The following RNF175 variants were observed in gnomAD, a reference collection of about 807,000 sequenced individuals.
RNF175 encodes ring finger protein 175.
A neutral mutation model predicts 50.0 loss-of-function variants in RNF175; 38 were observed. The observed-to-expected ratio is 0.76, with a 90% confidence interval of 0.59 to 1.00. The LOEUF (loss-of-function observed/expected upper bound fraction) is 1.00, where lower values mean the gene tolerates loss of function less well. Ranked by LOEUF, RNF175 falls within the 50% of genes least tolerant of loss-of-function variation. The pLI is 0.00. For synonymous variants in RNF175, 155 were observed against 146.1 expected (o/e 1.06, Z -0.44); for missense variants, 388 against 409.6 (o/e 0.95, Z 0.46).
intron 3 of RNF175, chr4:153,745,571 A>C (rs1739925407): frequency 6.6e-6 from 1 of 152,264 alleles, no homozygotes; most frequent in Non-Finnish European, 1.5e-5. Context: ...TTTACTACTA[A>C]TGAAACAACA....
At position 153,710,308 on chromosome 4, in the gene RNF175, A is replaced by G. The variant is rs768327427; in HGVS notation, c.*61T>C. ...ATCATCTCTAAAATTAAAAAAATTAATATTAAATGTTGGACCAAGGATTTC... is the reference window on the plus strand; with the variant it reads ...ATCATCTCTAAAATTAAAAAAATTAGTATTAAATGTTGGACCAAGGATTTC... On this transcript the variant is annotated 3_prime_UTR_variant, in exon 9 of 9. Transcript: ENST00000347063. 16 of 1,334,678 alleles carry G rather than the reference A, an allele frequency of 1.2e-5. No individual in the cohort carries two copies. The highest frequency in any genetic ancestry group is 1.5e-5 in the African/African-American group (1 of 67,518). 82.7% of individuals were successfully genotyped at this position (1,334,678 alleles called of 1,614,324 possible). A position where few individuals can be genotyped will look rare whatever the true frequency, so the allele number is the denominator to read the frequency against.
intron 7 of RNF175, chr4:153,713,275 G>A (rs544790457): frequency 6.6e-6 from 1 of 152,322 alleles, no homozygotes; most frequent in South Asian, 2.1e-4. Context: ...TTACTCTAGT[G>A]TAGCAGGACT....
intron 1 of RNF175, among the ~76,000 whole-genome samples, chr4:153,752,688 A>C (rs1323291264): frequency 6.6e-6 from 1 of 152,252 alleles, no homozygotes; most frequent in East Asian, 1.9e-4. Flanking sequence ...ACAGATTTTG[A>C]GGACATTTAA....
rs139880915 is a variant in RNF175, at chr4:153,712,683, G to C, written c.765-107C>G. ...GGGTCTAGTGGTGGAGTCATGACTTGATGAGGCACATCGCTTTTTTCGGGA... is the reference window on the plus strand; with the variant it reads ...GGGTCTAGTGGTGGAGTCATGACTTCATGAGGCACATCGCTTTTTTCGGGA... On this transcript the variant is annotated intron_variant, in intron 7 of 8. Coordinates refer to ENST00000347063, the MANE Select transcript of RNF175 (RefSeq NM_173662.4). The C allele has an allele frequency of 5.4e-5, 40 of 737,864 alleles. No homozygotes were observed. In the African/African-American group the frequency reaches 6.1e-4, roughly 11 times the overall value. The allele number at this position is 737,864 out of a possible 1,614,324, so 45.7% of individuals were successfully genotyped here. A position where few individuals can be genotyped will look rare whatever the true frequency, so the allele number is the denominator to read the frequency against.
chr4:153,747,126 C>A (rs55792703), intron 3 of RNF175, among the ~76,000 whole-genome samples: 26,849 of 152,110 alleles, frequency 0.18, 3,090 homozygotes, highest in Non-Finnish European at 0.25. Context: ...AAGGTCACTG[C>A]AATGCCTTCA....
intron 4 of RNF175, among the ~76,000 whole-genome samples, chr4:153,724,963 C>T (rs1336976847): frequency 2.6e-5 from 2 of 77,852 alleles, no homozygotes; most frequent in Admixed American, 1.4e-4. Flanking sequence ...GGGTGAGCTA[C>T]GTGGGGGAGC....
intron 3 of RNF175, among the ~76,000 whole-genome samples, chr4:153,747,499 C>T (rs1579094745): frequency 6.6e-6 from 1 of 152,306 alleles, no homozygotes; most frequent in East Asian, 1.9e-4. Context: ...ATGAGGATGG[C>T]CGTTACTCCA....
At chr4:153,742,064 C>A (rs1465332969) in intron 3 of RNF175, among the ~76,000 whole-genome samples, 1 of 152,034 alleles carries the variant, frequency 6.6e-6, no homozygotes. Flanking sequence ...CACCTGAGGT[C>A]AGGAGTTTGA....
At position 153,728,901 on chromosome 4, in the gene RNF175, T is replaced by G. The variant is rs575333508; in HGVS notation, c.247-540A>C. ...AGAAGCCCCTGGGATGTCTTCTGCC[T>G]GCAGTCCCAGGGCACTCTGCAAGGT... is the stretch of plus-strand genomic sequence containing the variant. On this transcript the variant is annotated intron_variant, in intron 3 of 8. Transcript: ENST00000347063. 2.6e-3 allele frequency among the ~76,000 whole-genome samples: 392 copies of G among 152,324 alleles called. 4 individuals are homozygous for G. The highest frequency in any genetic ancestry group is 9.1e-3 in the African/African-American group (377 of 41,582).
chr4:153,754,201 A>C (rs1740451181), intron 1 of RNF175, among the ~76,000 whole-genome samples: 1 of 151,458 alleles, frequency 6.6e-6, no homozygotes, highest in South Asian at 2.1e-4. Context: ...AAAGTCTGGT[A>C]ACTGATTGAG....
At position 153,729,887 on chromosome 4, in the gene RNF175, G is replaced by GA. The variant is rs1283326929; in HGVS notation, c.247-1527dup. On this transcript the variant is annotated intron_variant, in intron 3 of 8. Coordinates refer to ENST00000347063, the MANE Select transcript of RNF175 (RefSeq NM_173662.4). ...TTTAACTTCAAGGAATACTTTCAGG[G>GA]AAAAAAATCCACTAATCTTGCCTCC... 16 of 580,596 alleles carry GA rather than the reference G, an allele frequency of 2.8e-5. No individual in the cohort carries two copies. In the South Asian group the frequency reaches 1.1e-3, roughly 40 times the overall value. The allele number at this position is 580,596 out of a possible 1,614,324, so 36.0% of individuals were successfully genotyped here.
At position 153,739,247 on chromosome 4, in the gene RNF175, C is replaced by T. The variant is rs1739516076; in HGVS notation, c.246+9398G>A. ...ACCAGCCTGACCAACATGGTGAAAC[C>T]TCGTCTCTACTAAAAATACAAAAAT... On this transcript the variant is annotated intron_variant, in intron 3 of 8. Coordinates refer to ENST00000347063, the MANE Select transcript of RNF175 (RefSeq NM_173662.4). Among the ~76,000 whole-genome samples the T allele has an allele frequency of 2.0e-5, 3 of 152,082 alleles. No individual in the cohort carries two copies. In the South Asian group the frequency reaches 6.2e-4, roughly 31 times the overall value.
intron 6 of RNF175, among the ~76,000 whole-genome samples, chr4:153,716,619 A>G (rs1737948363): frequency 6.6e-6 from 1 of 152,184 alleles, no homozygotes; most frequent in Non-Finnish European, 1.5e-5. Flanking sequence ...ATACAAAAAT[A>G]TTACAGAGAT....
chr4:153,712,938 A>G (rs1308379907), intron 7 of RNF175: 1 of 175,860 alleles, frequency 5.7e-6, no homozygotes, highest in Non-Finnish European at 1.2e-5. Context: ...TTTCTCAGGC[A>G]TTTACCGTAG....
chr4:153,752,904 T>C (rs1579105437), intron 1 of RNF175, among the ~76,000 whole-genome samples: 1 of 151,932 alleles, frequency 6.6e-6, no homozygotes, highest in East Asian at 1.9e-4. Context: ...TATGGAAAGG[T>C]GTTCAAACTC....
chr4:153,729,842 T>C, intron 3 of RNF175: 1 of 982,872 alleles, frequency 1.0e-6, no homozygotes. Context: ...GAACAAATCC[T>C]ATAACTTCAA....
At chr4:153,712,749 C>T (rs1053325124) in intron 7 of RNF175, among the ~76,000 whole-genome samples, 173 bp from the exon 8 acceptor site, 28 of 152,160 alleles carry the variant, frequency 1.8e-4, no homozygotes, top group African/African-American at 6.0e-4. Flanking sequence ...AGCCTGGAGT[C>T]ACAGCTGCCT....
At position 153,748,805 on chromosome 4, in the gene RNF175, G is replaced by T; in HGVS notation, c.105-19C>A. 1 of 1,604,010 alleles carries T rather than the reference G, an allele frequency of 6.2e-7. No individual in the cohort carries two copies. Among genetic ancestry groups the T allele is most frequent in the Non-Finnish European group, 8.5e-7 (1 of 1,175,066 alleles). On this transcript the variant is annotated intron_variant, in intron 2 of 8. Transcript: ENST00000347063. The stretch of plus-strand genomic sequence containing the variant: ...CTGCAGGCTGGAACCAGCAAAATGA[G>T]GTCATCTGAAAAAGCCCTCAACCTT...
In RNF175 at chr4:153,759,812, G is replaced by C; in HGVS notation, c.51C>G (p.Pro17=). 6.8e-7 allele frequency: 1 copy of C among 1,477,798 alleles called. No individual in the cohort carries two copies. The highest frequency in any genetic ancestry group is 8.9e-7 in the Non-Finnish European group (1 of 1,122,404). The allele number at this position is 1,477,798 out of a possible 1,614,324, so 91.5% of individuals were successfully genotyped here. A position where few individuals can be genotyped will look rare whatever the true frequency, so the allele number is the denominator to read the frequency against. ...GCGCCAGTACCTGCTCCTGCTGCGG[G>C]GGGGCCTCCAGCACCGGCGCTGCCT... ...ARKAAPVLEA[P]PQQEQLSHTK... is the part of the protein sequence containing the mutation. Residue 17 remains proline, a synonymous_variant, in exon 1 of 9, where the codon CCC becomes CCG. Transcript: ENST00000347063.
Sources: allele counts gnomAD v4.1 joint callset (sites outside exome capture counted in the v4.1 genomes callset), GRCh38; gene constraint gnomAD v4.1.1; transcripts MANE v1.5; gene names NCBI Gene and HGNC (gene_info 2026-07-23, HGNC 2026-07-21).